The following SLC66A2 variants were observed in gnomAD, a reference collection of about 807,000 sequenced individuals.
The protein encoded by SLC66A2 is PQ loop repeat containing 1.
Under a neutral mutation model 25.5 loss-of-function variants are expected in SLC66A2, and 23 were observed. That is an observed-to-expected ratio of 0.90 (90% confidence interval 0.65 to 1.28). The LOEUF (loss-of-function observed/expected upper bound fraction) is 1.28, where lower values mean the gene tolerates loss of function less well. SLC66A2 is among the 50% of genes most tolerant of loss of function. The pLI is 0.00. For synonymous variants in SLC66A2, 193 were observed against 166.5 expected, an observed-to-expected ratio of 1.16 and a Z score of -1.23; for missense variants, 396 against 373.1, an observed-to-expected ratio of 1.06 and a Z score of -0.51.
chr18:79,938,833 C>CCAT (rs1378539715), intron 3 of SLC66A2, among the ~76,000 whole-genome samples: 1 of 152,182 alleles, frequency 6.6e-6, no homozygotes, highest in East Asian at 1.9e-4. Flanking sequence ...TGCGCCACCA[C>CCAT]GCCCAGCTAA....
chr18:79,902,437 TTTA>T lies in SLC66A2; in HGVS notation c.*1536_*1538del, dbSNP rs1981335907. The T allele has an allele frequency of 6.6e-6, 1 of 152,234 alleles. No individual in the cohort carries two copies. Among genetic ancestry groups the T allele is most frequent in the African/African-American group, 2.4e-5 (1 of 41,456 alleles). The allele number at this position is 152,234 out of a possible 1,614,324, so 9.4% of individuals were successfully genotyped here. A position where few individuals can be genotyped will look rare whatever the true frequency, so the allele number is the denominator to read the frequency against. ...AGGCCAACTCAGGATCCACAAATGG[TTTA>T]TTGATTCCAAGTCGCCACACAGGGT... On this transcript the variant is annotated 3_prime_UTR_variant, in exon 6 of 6. Coordinates refer to ENST00000397778, the MANE Select transcript of SLC66A2 (RefSeq NM_025078.5).
Position 79,904,075 on chromosome 18 carries a change from C to G in SLC66A2, c.717G>C (p.Leu239=), listed in dbSNP as rs764396402. 7.4e-6 allele frequency: 12 copies of G among 1,612,302 alleles called. No homozygotes were observed. Among genetic ancestry groups the G allele is most frequent in the Non-Finnish European group, 1.0e-5 (12 of 1,179,538 alleles). The change falls in exon 6 of 6, where the codon CTG becomes CTC. Residue 239 remains leucine, a synonymous_variant. Coordinates refer to ENST00000397778, the MANE Select transcript of SLC66A2 (RefSeq NM_025078.5). This position sits in a 1 kb window ranked among gnomAD's most constrained non-coding sequence, Gnocchi z 6.3. ...QFSVCGLLQV[L]VDLAILGQAY... ...CCTGCCCCAGGATGGCCAGGTCCAC[C>G]AGCACCTGCAGCAGGCCGCACACGG...
intron 5 of SLC66A2, among the ~76,000 whole-genome samples, chr18:79,911,535 G>C (rs1445995437): frequency 6.6e-6 from 1 of 152,232 alleles, no homozygotes; most frequent in Non-Finnish European, 1.5e-5. Flanking sequence ...AGCGTCCCCG[G>C]GGCCCTGACG....
chr18:79,923,082 A>G (rs1985458292), intron 4 of SLC66A2, among the ~76,000 whole-genome samples: 1 of 151,758 alleles, frequency 6.6e-6, no homozygotes, highest in African/African-American at 2.4e-5. Context: ...AAGCAAGGCC[A>G]GAGGAAGGAT....
At chr18:79,932,474 A>AG (rs1336188344) in intron 4 of SLC66A2, among the ~76,000 whole-genome samples, 1 of 148,974 alleles carries the variant, frequency 6.7e-6, no homozygotes, top group African/African-American at 2.5e-5. Context: ...GTTGTGTTAA[A>AG]AAAAGAAAGA....
Position 79,940,161 on chromosome 18 carries a change from G to T in SLC66A2, c.337+3168C>A, listed in dbSNP as rs1987524901. ...GACCAAATGCCGCATGTTCTCACGTGTAAGTGGGAGCTAAATGATGAGAAC... is the reference window on the plus strand; with the variant it reads ...GACCAAATGCCGCATGTTCTCACGTTTAAGTGGGAGCTAAATGATGAGAAC... On this transcript the variant is annotated intron_variant, in intron 3 of 5. Transcript: ENST00000397778. This position sits in a 1 kb window ranked among gnomAD's most constrained non-coding sequence, Gnocchi z 4.1. 6.6e-6 allele frequency among the ~76,000 whole-genome samples: 1 copy of T among 152,196 alleles called. No homozygotes were observed. The highest frequency in any genetic ancestry group is 6.5e-5 in the Admixed American group (1 of 15,276).
intron 2 of SLC66A2, among the ~76,000 whole-genome samples, chr18:79,946,660 A>G (rs1285483411): frequency 1.3e-5 from 2 of 152,240 alleles, no homozygotes; most frequent in East Asian, 1.9e-4. Flanking sequence ...TCCATGTTCC[A>G]AAATCTCACA....
At chr18:79,948,186 G>A (rs1018087548) in intron 2 of SLC66A2, among the ~76,000 whole-genome samples, 2 of 152,152 alleles carry the variant, frequency 1.3e-5, no homozygotes, top group Admixed American at 1.3e-4. Flanking sequence ...GCTCCACAAA[G>A]AAAGAGCTCA....
At chr18:79,913,127 G>A (rs987839138) in intron 5 of SLC66A2, among the ~76,000 whole-genome samples, 35 of 152,154 alleles carry the variant, frequency 2.3e-4, no homozygotes, top group African/African-American at 8.2e-4. Context: ...CTTGCGGGGC[G>A]GCCTGAGCCT....
At chr18:79,947,511 A>C (rs903073473) in intron 2 of SLC66A2, among the ~76,000 whole-genome samples, 1 of 18,202 alleles carries the variant, frequency 5.5e-5, no homozygotes, top group African/African-American at 1.0e-4. Flanking sequence ...ACAGCTTTGG[A>C]GGCGTGAAGA....
chr18:79,928,817 T>TG (rs569700644), intron 4 of SLC66A2, among the ~76,000 whole-genome samples: 146 of 152,128 alleles, frequency 9.6e-4, no homozygotes, highest in Admixed American at 2.2e-3. Flanking sequence ...CCCCCACCCA[T>TG]GGCGCAGGGG....
At position 79,937,280 on chromosome 18, in the gene SLC66A2, C is replaced by T. The variant is rs1440460050; in HGVS notation, c.338-3258G>A. 2.0e-5 allele frequency among the ~76,000 whole-genome samples: 3 copies of T among 152,158 alleles called. No individual in the cohort carries two copies. The highest frequency in any genetic ancestry group is 2.0e-4 in the Admixed American group (3 of 15,290). ...CCGCCACACGAGCACCCTGTTATACCAGGATCCTGTGTAGAAGCGAGACCC... is the reference window on the plus strand; with the variant it reads ...CCGCCACACGAGCACCCTGTTATACTAGGATCCTGTGTAGAAGCGAGACCC... On this transcript the variant is annotated intron_variant, in intron 3 of 5. Coordinates refer to ENST00000397778, the MANE Select transcript of SLC66A2 (RefSeq NM_025078.5). This position sits in a 1 kb window ranked among gnomAD's most constrained non-coding sequence, Gnocchi z 5.4.
intron 4 of SLC66A2, among the ~76,000 whole-genome samples, chr18:79,930,867 C>T (rs912296057): frequency 6.6e-6 from 1 of 151,938 alleles, no homozygotes; most frequent in Non-Finnish European, 1.5e-5. Context: ...TATAAAGGAA[C>T]AATCAGAAAA....
At chr18:79,916,371 G>T (rs764799412) in intron 5 of SLC66A2, among the ~76,000 whole-genome samples, 3 of 151,040 alleles carry the variant, frequency 2.0e-5, no homozygotes, top group Non-Finnish European at 4.4e-5. Flanking sequence ...GGTGCTTTAG[G>T]CCTCAGAAAA....
chr18:79,928,561 G>C (rs1360738017), intron 4 of SLC66A2, among the ~76,000 whole-genome samples: 1 of 152,172 alleles, frequency 6.6e-6, no homozygotes, highest in African/African-American at 2.4e-5. Context: ...ACGTGTCTTA[G>C]GGACACACGG....
chr18:79,928,631 G>A (rs190933857), intron 4 of SLC66A2, among the ~76,000 whole-genome samples: 6 of 152,268 alleles, frequency 3.9e-5, no homozygotes, highest in East Asian at 1.9e-4. Context: ...CAGCAACTTC[G>A]TGACACTTGG....
chr18:79,922,718 C>T (rs941268017), intron 4 of SLC66A2, among the ~76,000 whole-genome samples: 60 of 151,732 alleles, frequency 4.0e-4, no homozygotes, highest in African/African-American at 1.3e-3. Context: ...GCAAGGCCCG[C>T]ACCTGACCTC....
chr18:79,910,322 CCTCACCAGAGTCCCCAACCTTCCCCACCA>C (rs1982900276), intron 5 of SLC66A2, among the ~76,000 whole-genome samples: 1 of 90,412 alleles, frequency 1.1e-5, no homozygotes, highest in Non-Finnish European at 2.2e-5. Flanking sequence ...TTCCCCACCA[CCTCACCAGAGTCCCCAACCTTCCCCACCA>C]CCTCACCAGA....
chr18:79,907,349 G>GTTTTTTTTTTTTTTTTTTTTTT (rs1982273049), intron 5 of SLC66A2, among the ~76,000 whole-genome samples: 1 of 70,044 alleles, frequency 1.4e-5, no homozygotes. Context: ...TTTTTTTTTT[G>GTTTTTTTTTTTTTTTTTTTTTT]GTTGTTTTTT....
Sources: allele counts gnomAD v4.1 joint callset (sites outside exome capture counted in the v4.1 genomes callset), GRCh38; gene constraint gnomAD v4.1.1; non-coding constraint Gnocchi (gnomAD v3.1); transcripts MANE v1.5; gene names NCBI Gene and HGNC (gene_info 2026-07-23, HGNC 2026-07-21).